SPHKAP: variants seen among roughly 807,000 people sequenced by gnomAD.
SPHKAP encodes the protein SPHK1 interactor, AKAP domain containing.
A neutral mutation model predicts 137.5 loss-of-function variants in SPHKAP; 67 were observed. The ratio of observed to expected loss-of-function variants is 0.49; its 90% CI spans 0.40 to 0.60. The LOEUF (loss-of-function observed/expected upper bound fraction) is 0.60. SPHKAP is among the 20% of genes least tolerant of loss of function. The pLI is 0.00. For missense variants in SPHKAP, 2,097 were observed against 2,069.3 expected (o/e 1.01, Z -0.26); for synonymous variants, 813 against 785.3 (o/e 1.04, Z -0.59).
chr2:228,071,735 G>C (rs1484749709), intron 3 of SPHKAP, among the ~76,000 whole-genome samples: 1 of 151,904 alleles, frequency 6.6e-6, no homozygotes, highest in Non-Finnish European at 1.5e-5. Flanking sequence ...CCTTGGAGTG[G>C]TGGGCAACTG....
chr2:228,143,019 G>GA (rs1012013529), intron 1 of SPHKAP, among the ~76,000 whole-genome samples: 13 of 151,924 alleles, frequency 8.6e-5, no homozygotes, highest in African/African-American at 3.1e-4. Context: ...GACACCAAAC[G>GA]AAAGACTTAC....
intron 3 of SPHKAP, among the ~76,000 whole-genome samples, chr2:228,031,927 A>T (rs1695342426): frequency 6.6e-6 from 1 of 152,180 alleles, no homozygotes; most frequent in African/African-American, 2.4e-5. Flanking sequence ...AGCCACAAAG[A>T]TGGGGAAAAA....
rs890524633 is a variant in SPHKAP, at chr2:228,131,413, G to T, written c.138+567C>A. ...TTGGGGCCTTAGATTTGATTGGCTG[G>T]GAAAATGAGGTAGTTAAATTCTATG... On this transcript the variant is annotated intron_variant, in intron 2 of 11. Transcript: ENST00000392056. 5 of 440,348 alleles carry T rather than the reference G, an allele frequency of 1.1e-5. No individual in the cohort carries two copies. The Admixed American group carries it at 1.9e-4, about 17-fold the overall frequency. The allele number at this position is 440,348 out of a possible 1,614,324, so 27.3% of individuals were successfully genotyped here.
Position 228,019,171 on chromosome 2 carries a change from C to T in SPHKAP, c.1683G>A (p.Met561Ile). Residue 561 changes from methionine (M) to isoleucine (I), a missense_variant, in exon 7 of 12, where the codon ATG becomes ATA. By Grantham distance (10) the Met-to-Ile change is conservative. Transcript: ENST00000392056. ...CAGCCACGGCACTGGCCACCTGAGT[C>T]ATGCCACACAAAGCAGATGGAAAGG... ...EYSFPSALCGMTQVASAVAVC... is the reference protein window; with the variant it reads ...EYSFPSALCGITQVASAVAVC... 1 of 1,613,782 alleles carries T rather than the reference C, an allele frequency of 6.2e-7. No individual in the cohort carries two copies. The highest frequency in any genetic ancestry group is 8.5e-7 in the Non-Finnish European group (1 of 1,180,032).
intron 3 of SPHKAP, among the ~76,000 whole-genome samples, chr2:228,028,784 C>T (rs1443109396): frequency 6.6e-6 from 1 of 152,184 alleles, no homozygotes; most frequent in East Asian, 1.9e-4. Context: ...ACAAAATCAC[C>T]TAATCATGCA....
At chr2:228,079,522 C>A (rs1268649910) in intron 3 of SPHKAP, among the ~76,000 whole-genome samples, 4 of 152,170 alleles carry the variant, frequency 2.6e-5, no homozygotes, top group Non-Finnish European at 4.4e-5. Flanking sequence ...AGGCCTAGAC[C>A]TATCCCCAGG....
chr2:228,140,793 G>A (rs1217861784), intron 1 of SPHKAP, among the ~76,000 whole-genome samples: 1 of 152,056 alleles, frequency 6.6e-6, no homozygotes, highest in Non-Finnish European at 1.5e-5. Context: ...CTGTTTAAAA[G>A]TGGATGACAC....
intron 1 of SPHKAP, among the ~76,000 whole-genome samples, chr2:228,147,795 A>T (rs1156461725): frequency 6.6e-6 from 1 of 152,148 alleles, no homozygotes; most frequent in Non-Finnish European, 1.5e-5. Flanking sequence ...TACATTTGCC[A>T]CTTTAAATCC....
chr2:227,994,791 G>GA (rs1295429455), intron 8 of SPHKAP, among the ~76,000 whole-genome samples: 1 of 152,102 alleles, frequency 6.6e-6, no homozygotes, highest in African/African-American at 2.4e-5. Context: ...TTAACATTGT[G>GA]AAATGTTAAG....
In SPHKAP at chr2:228,025,613, C is replaced by T. The variant is rs961669317; in HGVS notation, c.307-85G>A. ...AACTACTTTACCTTCAGAAATAATA[C>T]TCATAACTGCTCATACATATAGACT... is the stretch of plus-strand genomic sequence containing the variant. On this transcript the variant is annotated intron_variant, in intron 4 of 11. Transcript: ENST00000392056. 2.7e-6 allele frequency: 4 copies of T among 1,469,298 alleles called. No individual in the cohort carries two copies. The African/African-American group carries it at 5.6e-5, about 21-fold the overall frequency. 91.0% of individuals were successfully genotyped at this position (1,469,298 alleles called of 1,614,324 possible).
At chr2:227,987,549 T>C (rs1240671258) in intron 11 of SPHKAP, among the ~76,000 whole-genome samples, 1 of 152,226 alleles carries the variant, frequency 6.6e-6, no homozygotes. Flanking sequence ...GCATTTAGCT[T>C]TTTAATAATT....
At chr2:228,022,019 A>C in intron 5 of SPHKAP, 53 bp from the exon 6 acceptor site, 1 of 1,514,812 alleles carries the variant, frequency 6.6e-7, no homozygotes, top group Non-Finnish European at 8.8e-7. Flanking sequence ...ATAAAAGACT[A>C]TTGCCTCTGA....
In SPHKAP at chr2:227,988,171, C is replaced by T. The variant is rs942550606; in HGVS notation, c.4959+2829G>A. Among the ~76,000 whole-genome samples, 5 of 152,076 alleles carry T rather than the reference C, an allele frequency of 3.3e-5. No individual in the cohort carries two copies. The East Asian group carries it at 7.7e-4, about 23-fold the overall frequency. On this transcript the variant is annotated intron_variant, in intron 11 of 11. Transcript: ENST00000392056. ...TAAAAGAAAGATTATCAAAATGTTG[C>T]TTAAGGGTTTTTTTTCTTTAACCAG...
intron 2 of SPHKAP, among the ~76,000 whole-genome samples, chr2:228,131,091 G>T (rs1275398518): frequency 6.6e-6 from 1 of 151,542 alleles, no homozygotes; most frequent in Non-Finnish European, 1.5e-5. Context: ...GCTTAACTGG[G>T]TATACATATA....
chr2:228,177,956 G>A (rs1412593797), intron 1 of SPHKAP, among the ~76,000 whole-genome samples: 2 of 152,094 alleles, frequency 1.3e-5, no homozygotes, highest in African/African-American at 2.4e-5. Context: ...GTATAACAAT[G>A]CAAATGTTTA....
At chr2:228,143,664 C>CTTTTTTTT (rs35440451) in intron 1 of SPHKAP, among the ~76,000 whole-genome samples, 1 of 97,426 alleles carries the variant, frequency 1.0e-5, no homozygotes. Flanking sequence ...AAACACCTGG[C>CTTTTTTTT]TTTTTTTTTT....
intron 3 of SPHKAP, among the ~76,000 whole-genome samples, chr2:228,034,926 TCC>T (rs1695524025): frequency 6.6e-6 from 1 of 151,498 alleles, no homozygotes; most frequent in African/African-American, 2.4e-5. Flanking sequence ...CCAATATCAT[TCC>T]GGATGGGCAA....
At chr2:228,014,928 T>C (rs1428774347) in intron 7 of SPHKAP, among the ~76,000 whole-genome samples, 1 of 152,168 alleles carries the variant, frequency 6.6e-6, no homozygotes, top group Non-Finnish European at 1.5e-5. Context: ...AATTTTATTA[T>C]TATTATCATA....
intron 3 of SPHKAP, among the ~76,000 whole-genome samples, chr2:228,073,694 C>A (rs759572808): frequency 5.3e-5 from 8 of 152,126 alleles, no homozygotes; most frequent in Non-Finnish European, 7.3e-5. Flanking sequence ...ACTTTCAAAG[C>A]AGAATGTTCT....
Sources: allele counts gnomAD v4.1 joint callset (sites outside exome capture counted in the v4.1 genomes callset), GRCh38; gene constraint gnomAD v4.1.1; transcripts MANE v1.5; gene names NCBI Gene and HGNC (gene_info 2026-07-23, HGNC 2026-07-21).